PUS10: variants seen among roughly 807,000 people sequenced by gnomAD.
PUS10 encodes the protein pseudouridine synthase 10, also known as tRNA pseudouridine synthase Pus10.
A neutral mutation model predicts 75.0 loss-of-function variants in PUS10; 59 were observed. The ratio of observed to expected loss-of-function variants is 0.79; its 90% CI spans 0.64 to 0.98. The LOEUF (loss-of-function observed/expected upper bound fraction) is 0.98, where lower values mean the gene tolerates loss of function less well. Ranked by LOEUF, PUS10 falls within the 50% of genes least tolerant of loss-of-function variation. PUS10 has a pLI of 0.00. For synonymous variants in PUS10, 219 were observed against 211.6 expected, an observed-to-expected ratio of 1.03 and a Z score of -0.30; for missense variants, 650 against 614.4, an observed-to-expected ratio of 1.06 and a Z score of -0.61.
At chr2:60,968,876 T>C (rs180728037) in intron 5 of PUS10, among the ~76,000 whole-genome samples, 1 of 152,174 alleles carries the variant, frequency 6.6e-6, no homozygotes, top group Non-Finnish European at 1.5e-5. Flanking sequence ...TGTGTGAGCT[T>C]CATAAACTGT....
intron 4 of PUS10, among the ~76,000 whole-genome samples, chr2:60,986,198 C>T (rs79721818): frequency 6.6e-6 from 1 of 152,216 alleles, no homozygotes; most frequent in Non-Finnish European, 1.5e-5. Flanking sequence ...ATATAATTAA[C>T]ATGCTAATTA....
chr2:61,015,618 G>GA (rs1185386462), intron 1 of PUS10, among the ~76,000 whole-genome samples: 1 of 152,178 alleles, frequency 6.6e-6, no homozygotes, highest in Non-Finnish European at 1.5e-5. Flanking sequence ...AGAATCGCCC[G>GA]AACCCAGGAG....
chr2:61,008,555 A>C (rs1253592688), intron 3 of PUS10, among the ~76,000 whole-genome samples: 1 of 152,130 alleles, frequency 6.6e-6, no homozygotes, highest in East Asian at 1.9e-4. Context: ...GCTACTCAGA[A>C]GGCTGATGTA....
rs1230492316 is a variant in PUS10, at chr2:61,017,788, A to G, written c.-16+220T>C. On this transcript the variant is annotated intron_variant, in intron 1 of 17. Coordinates refer to ENST00000316752, the MANE Select transcript of PUS10 (RefSeq NM_144709.4). ...GCGTCCCAGCCGCCACCTCCCCCCA[A>G]ACCCTGGGAGACCCGCCGAATTCCG... 2.6e-6 allele frequency: 4 copies of G among 1,550,394 alleles called. No individual in the cohort carries two copies. The South Asian group carries it at 3.6e-5, about 14-fold the overall frequency.
chr2:60,954,974 A>G (rs763617469), intron 12 of PUS10, 44 bp downstream of exon 12: 9 of 1,316,080 alleles, frequency 6.8e-6, no homozygotes, highest in Non-Finnish European at 9.6e-6. Context: ...AAGGATGATA[A>G]TCAGAAAGTT....
Position 61,017,194 on chromosome 2 carries a change from T to G in PUS10, c.-16+814A>C, listed in dbSNP as rs532115497. 3 of 152,592 alleles carry G rather than the reference T, an allele frequency of 2.0e-5. No homozygotes were observed. In the East Asian group the frequency reaches 5.6e-4, roughly 29 times the overall value. The allele number at this position is 152,592 out of a possible 1,614,324, so 9.5% of individuals were successfully genotyped here. A position where few individuals can be genotyped will look rare whatever the true frequency, so the allele number is the denominator to read the frequency against. On this transcript the variant is annotated intron_variant, in intron 1 of 17. Coordinates refer to ENST00000316752, the MANE Select transcript of PUS10 (RefSeq NM_144709.4). ...ACGCCGGAGCCTGAGATTTAACCCC[T>G]TCCGGCCCTCGAAGGGAAGAGGGAA...
intron 4 of PUS10, among the ~76,000 whole-genome samples, chr2:61,002,481 T>C (rs565004998): frequency 6.6e-6 from 1 of 152,184 alleles, no homozygotes; most frequent in Non-Finnish European, 1.5e-5. Flanking sequence ...TCTTACTTTG[T>C]TCCAGGCTGG....
chr2:60,985,576 C>G (rs1425382502), intron 4 of PUS10, among the ~76,000 whole-genome samples: 2 of 152,094 alleles, frequency 1.3e-5, no homozygotes, highest in Non-Finnish European at 2.9e-5. Flanking sequence ...TCTCAGCTCA[C>G]TACAACCTCT....
At chr2:60,988,944 G>C (rs1362180303) in intron 4 of PUS10, among the ~76,000 whole-genome samples, 1 of 151,874 alleles carries the variant, frequency 6.6e-6, no homozygotes, top group Non-Finnish European at 1.5e-5. Context: ...ACCTGGCCAG[G>C]CATGCGCTTT....
intron 4 of PUS10, among the ~76,000 whole-genome samples, chr2:60,975,215 C>T (rs776560889): frequency 1.4e-4 from 21 of 152,064 alleles, no homozygotes; most frequent in Non-Finnish European, 2.8e-4. Flanking sequence ...GGCGTGATCT[C>T]GGGTCACTGC....
At chr2:60,957,472 A>G (rs1675751373) in intron 11 of PUS10, among the ~76,000 whole-genome samples, 1 of 152,188 alleles carries the variant, frequency 6.6e-6, no homozygotes, top group South Asian at 2.1e-4. Flanking sequence ...CTGGGTTAAC[A>G]CCACTGGGAT....
Position 60,964,932 on chromosome 2 carries a change from T to C in PUS10, c.723+126A>G, listed in dbSNP as rs1422300711. On this transcript the variant is annotated intron_variant, in intron 8 of 17. Coordinates refer to ENST00000316752, the MANE Select transcript of PUS10 (RefSeq NM_144709.4). Reference sequence around the variant, plus strand: ...AAAATTAATGTAGCAAATGGAAATATTTAAAAGCTGATTCTTAGTATAATA... The same window carrying C: ...AAAATTAATGTAGCAAATGGAAATACTTAAAAGCTGATTCTTAGTATAATA... 16 of 851,734 alleles carry C rather than the reference T, an allele frequency of 1.9e-5. No individual in the cohort carries two copies. In the Admixed American group the frequency reaches 3.4e-4, roughly 18 times the overall value. 52.8% of individuals were successfully genotyped at this position (851,734 alleles called of 1,614,324 possible).
chr2:60,975,217 G>T (rs1009422466), intron 4 of PUS10, among the ~76,000 whole-genome samples: 1 of 152,034 alleles, frequency 6.6e-6, no homozygotes, highest in Admixed American at 6.6e-5. Context: ...CGTGATCTCG[G>T]GTCACTGCAA....
At chr2:60,979,465 G>T (rs1677247782) in intron 4 of PUS10, among the ~76,000 whole-genome samples, 1 of 152,098 alleles carries the variant, frequency 6.6e-6, no homozygotes, top group South Asian at 2.1e-4. Context: ...AGAGAGGAAG[G>T]GGGAATATTT....
At chr2:61,017,747 G>A (rs755500053) in intron 1 of PUS10, 23 of 1,547,864 alleles carry the variant, frequency 1.5e-5, no homozygotes, top group Non-Finnish European at 6.1e-6. Context: ...GGAGCCGAGA[G>A]GAGGCGGAGG....
At chr2:60,946,942 A>C (rs1674980508) in intron 16 of PUS10, among the ~76,000 whole-genome samples, 1 of 152,324 alleles carries the variant, frequency 6.6e-6, no homozygotes, top group East Asian at 1.9e-4. Flanking sequence ...GGATCACAGA[A>C]TAATATAAAA....
At chr2:60,945,623 G>T (rs1674897557) in intron 16 of PUS10, among the ~76,000 whole-genome samples, 1 of 152,110 alleles carries the variant, frequency 6.6e-6, no homozygotes. Flanking sequence ...TCTTAATGAT[G>T]GCTCTTCGGA....
At chr2:60,958,083 C>T (rs1675792055) in intron 11 of PUS10, among the ~76,000 whole-genome samples, 1 of 152,368 alleles carries the variant, frequency 6.6e-6, no homozygotes, top group South Asian at 2.1e-4. Context: ...CCCTAAGATT[C>T]CTTAAGTGTT....
intron 4 of PUS10, among the ~76,000 whole-genome samples, chr2:60,982,586 G>A (rs1573459501): frequency 6.6e-6 from 1 of 152,056 alleles, no homozygotes; most frequent in African/African-American, 2.4e-5. Context: ...ACTTTTAATA[G>A]AAGAAATTGA....
Sources: allele counts gnomAD v4.1 joint callset (sites outside exome capture counted in the v4.1 genomes callset), GRCh38; gene constraint gnomAD v4.1.1; transcripts MANE v1.5; gene names NCBI Gene and HGNC (gene_info 2026-07-23, HGNC 2026-07-21).